SNX15: variants seen among roughly 807,000 people sequenced by gnomAD.
The protein encoded by SNX15 is sorting nexin 15.
A neutral mutation model predicts 35.2 loss-of-function variants in SNX15; 29 were observed. That is an observed-to-expected ratio of 0.82 (90% confidence interval 0.61 to 1.12). The LOEUF is 1.12. SNX15 is among the 50% of genes most tolerant of loss of function. The pLI, the probability that SNX15 is intolerant of heterozygous loss-of-function variation, is 0.00. For missense variants in SNX15, 400 were observed against 451.5 expected, an observed-to-expected ratio of 0.89 and a Z score of 1.03; for synonymous variants, 189 against 188.2, an observed-to-expected ratio of 1.00 and a Z score of -0.03.
chr11:65,027,889 C>T (rs949384149), intron 1 of SNX15, among the ~76,000 whole-genome samples: 8 of 152,114 alleles, frequency 5.3e-5, no homozygotes, highest in African/African-American at 1.2e-4. Context: ...TGCCCACGCC[C>T]GGAGTGTAGT....
chr11:65,033,793 C>CAAA (rs1946468614), intron 3 of SNX15, among the ~76,000 whole-genome samples: 1 of 151,928 alleles, frequency 6.6e-6, no homozygotes, highest in Non-Finnish European at 1.5e-5. Context: ...AACTCTGCCT[C>CAAA]CCAGGTTTGA....
chr11:65,038,321 C>G, intron 6 of SNX15: 1 of 1,176,786 alleles, frequency 8.5e-7, no homozygotes, highest in Non-Finnish European at 1.1e-6. Flanking sequence ...CCAGAGCTTA[C>G]AAACTAGAGT....
chr11:65,039,857 G>A lies in SNX15; in HGVS notation c.*65G>A, dbSNP rs1946560722. 1.8e-6 allele frequency: 2 copies of A among 1,104,208 alleles called. No homozygotes were observed. The highest frequency in any genetic ancestry group is 1.3e-5 in the South Asian group (1 of 74,300). The allele number at this position is 1,104,208 out of a possible 1,614,324, so 68.4% of individuals were successfully genotyped here. Reference sequence around the variant, plus strand: ...TGCCAGCCCCTTCTCCTCTCCCCAGGGCCTGGCCCTACCTCCTGGTCTTGT... The same window carrying A: ...TGCCAGCCCCTTCTCCTCTCCCCAGAGCCTGGCCCTACCTCCTGGTCTTGT... On this transcript the variant is annotated 3_prime_UTR_variant, in exon 8 of 8. Transcript: ENST00000377244.
intron 5 of SNX15, 129 bp from the exon 6 acceptor site, chr11:65,035,391 G>T: frequency 7.7e-7 from 1 of 1,293,624 alleles, no homozygotes; most frequent in South Asian, 1.5e-5. Context: ...TCTGTAAAAT[G>T]AGCACAAACC....
chr11:65,039,554 G>A, intron 7 of SNX15, 132 bp from the exon 8 acceptor site: 1 of 611,550 alleles, frequency 1.6e-6, no homozygotes, highest in Non-Finnish European at 3.0e-6. Context: ...AGACTGAGGA[G>A]AATGGATGCT....
Position 65,039,724 on chromosome 11 carries a change from A to G in SNX15, c.961A>G (p.Lys321Glu), listed in dbSNP as rs1247197071. 4.3e-6 allele frequency: 7 copies of G among 1,613,652 alleles called. No homozygotes were observed. Among genetic ancestry groups the G allele is most frequent in the African/African-American group, 1.3e-5 (1 of 74,914 alleles). The change falls in exon 8 of 8, where the codon AAG (lysine) becomes GAG (glutamate). Residue 321 changes from lysine (K) to glutamate (E), a missense_variant. Physicochemically the swap from Lys to Glu is moderately conservative, Grantham distance 56 (BLOSUM62 1). Coordinates refer to ENST00000377244, the MANE Select transcript of SNX15 (RefSeq NM_013306.5). The part of the protein sequence containing the change: ...LPARQEGVKK[K>E]AAEYLKRAEE... Reference sequence around the variant, plus strand: ...TGCCCGCCAGGAAGGTGTGAAGAAGAAGGCAGCTGAGTACCTGAAGCGGGC... The same window carrying G: ...TGCCCGCCAGGAAGGTGTGAAGAAGGAGGCAGCTGAGTACCTGAAGCGGGC...
intron 7 of SNX15, among the ~76,000 whole-genome samples, chr11:65,039,087 AATCTC>A: frequency 8.7e-6 from 1 of 114,698 alleles, no homozygotes; most frequent in South Asian, 2.7e-4. Context: ...TGGAGTGCAC[AATCTC>A]GGCTCACTGC....
chr11:65,037,560 TTCAC>T (rs1946517094), intron 6 of SNX15: 1 of 152,228 alleles, frequency 6.6e-6, no homozygotes, highest in Non-Finnish European at 1.5e-5. Flanking sequence ...CAATGAGACA[TTCAC>T]TCAGCCCATG....
intron 3 of SNX15, among the ~76,000 whole-genome samples, chr11:65,033,051 T>G (rs776709973): frequency 2.0e-5 from 3 of 151,934 alleles, no homozygotes; most frequent in Non-Finnish European, 2.9e-5. Flanking sequence ...AATTTTTGTA[T>G]TTTTAGTAGA....
Position 65,032,417 on chromosome 11 carries a change from C to T in SNX15, c.136-14C>T, listed in dbSNP as rs934355386. The T allele has an allele frequency of 6.2e-7, 1 of 1,614,016 alleles. No homozygotes were observed. Among genetic ancestry groups the T allele is most frequent in the African/African-American group, 1.3e-5 (1 of 74,936 alleles). On this transcript the variant is annotated splice_polypyrimidine_tract_variant and intron_variant, in intron 2 of 7. Coordinates refer to ENST00000377244, the MANE Select transcript of SNX15 (RefSeq NM_013306.5). ...ACCATTGCTGGTTCTGGGCAAGTCT[C>T]ATGTACCTCATAGGTGGTGGTCTGG... is the stretch of plus-strand genomic sequence containing the variant.
At chr11:65,029,286 A>G (rs2136925349) in intron 1 of SNX15, among the ~76,000 whole-genome samples, 1 of 150,908 alleles carries the variant, frequency 6.6e-6, no homozygotes, top group East Asian at 2.0e-4. Flanking sequence ...CCTCCCAGGT[A>G]GCTGGGACTA....
Position 65,038,797 on chromosome 11 carries a change from A to T in SNX15, c.890A>T (p.Asp297Val), listed in dbSNP as rs1457269311. 5.0e-6 allele frequency: 8 copies of T among 1,595,408 alleles called. No individual in the cohort carries two copies. Among genetic ancestry groups the T allele is most frequent in the Non-Finnish European group, 6.8e-6 (8 of 1,171,168 alleles). ...GCTGCTGCACTCCAGGGCTATCGAG[A>T]CGGCGTGCACGTCTTGCTTCAGGGA... ...AYAAALQGYR[D>V]GVHVLLQGVP... The change falls in exon 7 of 8, where the codon GAC becomes GTC. Residue 297 changes from aspartate (D) to valine (V), a missense_variant. Transcript: ENST00000377244.
chr11:65,037,991 G>C (rs1234316546), intron 6 of SNX15: 3 of 152,240 alleles, frequency 2.0e-5, no homozygotes, highest in African/African-American at 7.2e-5. Flanking sequence ...CAGATTTCCA[G>C]TCGCCTCGTG....
At chr11:65,034,690 C>T (rs1201135622) in intron 3 of SNX15, among the ~76,000 whole-genome samples, 157 bp from the exon 4 acceptor site, 1 of 152,184 alleles carries the variant, frequency 6.6e-6, no homozygotes, top group Non-Finnish European at 1.5e-5. Context: ...GCCCCTACCT[C>T]ACCCCAGGAG....
Position 65,035,517 on chromosome 11 carries a change from C to T in SNX15, c.521-3C>T. 6.3e-7 allele frequency: 1 copy of T among 1,582,598 alleles called. No individual in the cohort carries two copies. ...TTCATGACCCCACTTATCTCTTCCT[C>T]AGTGGACCCCCCACCATCCAGCCCT... On this transcript the variant is annotated splice_polypyrimidine_tract_variant and splice_region_variant and intron_variant, in intron 5 of 7. Coordinates refer to ENST00000377244, the MANE Select transcript of SNX15 (RefSeq NM_013306.5).
chr11:65,035,236 G>A (rs1217984871), intron 5 of SNX15, 30 bp downstream of exon 5: 1 of 1,534,216 alleles, frequency 6.5e-7, no homozygotes, highest in Non-Finnish European at 8.7e-7. Flanking sequence ...GGGAACCAGG[G>A]CTGGAGGGTG....
At chr11:65,035,704 G>A (rs201508494) in intron 6 of SNX15, 41 bp downstream of exon 6, 225 of 1,566,006 alleles carry the variant, frequency 1.4e-4, no homozygotes, top group Non-Finnish European at 1.9e-4. Flanking sequence ...AGGGCAGGAC[G>A]TCCTTGGGAC....
At chr11:65,027,658 A>T in intron 1 of SNX15, 22 bp downstream of exon 1, 1 of 1,581,806 alleles carries the variant, frequency 6.3e-7, no homozygotes. Flanking sequence ...CCCAGCGCGT[A>T]CTTTACCCTT....
At chr11:65,035,803 A>G (rs1946495968) in intron 6 of SNX15, 140 bp downstream of exon 6, 2 of 799,028 alleles carry the variant, frequency 2.5e-6, no homozygotes, top group African/African-American at 1.8e-5. Flanking sequence ...CTGTGGGCCA[A>G]TAGCAGCTTC....
Sources: gnomAD v4.1 joint callset for allele counts (sites outside exome capture counted in the v4.1 genomes callset) on GRCh38, gnomAD v4.1.1 for gene constraint, MANE v1.5 for transcripts, NCBI Gene and HGNC (gene_info 2026-07-23, HGNC 2026-07-21) for gene names.